The following ANKRD26 variants were observed in gnomAD, a reference collection of about 807,000 sequenced individuals.
The protein encoded by ANKRD26 is ankyrin repeat domain 26, also known as ankyrin repeat domain-containing protein 26.
A neutral mutation model predicts 208.7 loss-of-function variants in ANKRD26; 141 were observed. The observed-to-expected ratio is 0.68, with a 90% CI of 0.59 to 0.78. ANKRD26 has a LOEUF of 0.78. Among genes scored for constraint, ANKRD26 ranks in the 30% least tolerant of loss-of-function variants. ANKRD26 has a pLI of 0.00. For missense variants in ANKRD26, 1,889 were observed against 1,938.7 expected (o/e 0.97, Z 0.48); for synonymous variants, 636 against 660.4 (o/e 0.96, Z 0.57).
At chr10:27,037,395 T>A in intron 22 of ANKRD26, 72 bp from the exon 23 acceptor site, 1 of 1,519,760 alleles carries the variant, frequency 6.6e-7, no homozygotes, top group Non-Finnish European at 9.0e-7. Context: ...AGCAGAATTT[T>A]AAAACAAAAA....
intron 19 of ANKRD26, among the ~76,000 whole-genome samples, 164 bp downstream of exon 19, chr10:27,043,993 C>T (rs1199875302): frequency 6.6e-6 from 1 of 151,990 alleles, no homozygotes; most frequent in Non-Finnish European, 1.5e-5. Context: ...GGGCTCCCAC[C>T]ATGTTGCCTA....
intron 15 of ANKRD26, among the ~76,000 whole-genome samples, chr10:27,059,449 TATAC>T (rs1480728853): frequency 1.3e-5 from 2 of 152,182 alleles, no homozygotes; most frequent in Non-Finnish European, 2.9e-5. Flanking sequence ...TTTATAGACG[TATAC>T]ATACACAGGA....
the ANKRD26 span, among the ~76,000 whole-genome samples, chr10:26,953,493 C>T: frequency 6.6e-6 from 1 of 152,124 alleles, no homozygotes; most frequent in Non-Finnish European, 1.5e-5. Flanking sequence ...CTGTGTGAAA[C>T]ATCTCATCCT....
intron 31 of ANKRD26, among the ~76,000 whole-genome samples, chr10:27,014,233 A>G (rs1484982243): frequency 2.0e-5 from 3 of 152,122 alleles, no homozygotes; most frequent in Non-Finnish European, 4.4e-5. Context: ...TTAAAAGCAC[A>G]TAGCTGAAAG....
At chr10:26,974,341 ATTTT>A (rs5783993) in exon 6 of ANKRD26, among the ~76,000 whole-genome samples, 3 of 129,312 alleles carry the variant, frequency 2.3e-5, no homozygotes, top group African/African-American at 2.9e-5. Context: ...TTACTTCTGC[ATTTT>A]TTTTTTTTTT....
chr10:27,003,422 A>G (rs2052769967), downstream of ANKRD26, among the ~76,000 whole-genome samples: 1 of 152,200 alleles, frequency 6.6e-6, no homozygotes, highest in Non-Finnish European at 1.5e-5. Flanking sequence ...AACCATCATA[A>G]TAATAATTGA....
chr10:26,984,656 C>G (rs1024249864), intron 3 of ANKRD26, among the ~76,000 whole-genome samples: 3 of 152,146 alleles, frequency 2.0e-5, no homozygotes, highest in South Asian at 2.1e-4. Flanking sequence ...TAGTCCCTTA[C>G]AATATATTGC....
chr10:27,020,746 C>T (rs527677874), intron 29 of ANKRD26, among the ~76,000 whole-genome samples: 22 of 152,300 alleles, frequency 1.4e-4, no homozygotes, highest in Admixed American at 7.8e-4. Context: ...GCAACCTCCG[C>T]CTCCAGGGTT....
rs1406323914 is a variant in ANKRD26, at chr10:27,034,928, A to G, written c.3522T>C (p.Ile1174=). The G allele has an allele frequency of 1.2e-6, 2 of 1,614,020 alleles. No homozygotes were observed. The highest frequency in any genetic ancestry group is 2.2e-5 in the East Asian group (1 of 44,868). Residue 1174 remains isoleucine, a synonymous_variant, in exon 24 of 34, where the codon ATT becomes ATC. Coordinates refer to ENST00000376087, the MANE Select transcript of ANKRD26 (RefSeq NM_014915.3). ...VINIQDQFHA[I]VQKLQAESEK... ...CACTCTCAGCTTGAAGTTTTTGCAC[A>G]ATAGCATGAAACTGGTCTTGGATAT...
At chr10:27,059,853 C>T (rs1371767618) in intron 15 of ANKRD26, among the ~76,000 whole-genome samples, 4 of 150,180 alleles carry the variant, frequency 2.7e-5, no homozygotes, top group Non-Finnish European at 1.5e-5. Flanking sequence ...CGAGATCATG[C>T]CACTGCACTC....
At chr10:26,964,328 T>C in the ANKRD26 span, among the ~76,000 whole-genome samples, 74 of 152,290 alleles carry the variant, frequency 4.9e-4, no homozygotes, top group Non-Finnish European at 7.8e-4. Flanking sequence ...GATTTTTAAG[T>C]TGACTGACCT....
At chr10:27,059,677 A>T (rs1288572726) in intron 15 of ANKRD26, among the ~76,000 whole-genome samples, 2 of 148,526 alleles carry the variant, frequency 1.3e-5, no homozygotes, top group Non-Finnish European at 3.0e-5. Context: ...TTGGGAGGCT[A>T]AAGCGGGCGG....
chr10:27,084,114 G>A (rs1486443447), intron 5 of ANKRD26, among the ~76,000 whole-genome samples: 2 of 151,540 alleles, frequency 1.3e-5, no homozygotes, highest in African/African-American at 2.4e-5. Context: ...TCAGGAGGCT[G>A]AGGCAGGAGA....
At chr10:27,003,529 A>G (rs908844995), downstream of ANKRD26, among the ~76,000 whole-genome samples, 1 of 152,250 alleles carries the variant, frequency 6.6e-6, no homozygotes, top group Non-Finnish European at 1.5e-5. Context: ...TTTATACAAG[A>G]TATTTATGAA....
In ANKRD26 at chr10:27,017,688, T is replaced by C. The variant is rs2053344622; in HGVS notation, c.4320A>G (p.Val1440=). Residue 1440 remains valine (V), a synonymous_variant, in exon 30 of 34, where the codon GTA becomes GTG. Transcript: ENST00000376087. ...LQEELLSMKT[V]QKKCEKLQKN... The stretch of plus-strand genomic sequence containing the variant: ...TCTGTAGTTTTTCACATTTCTTTTG[T>C]ACTGTTTTCATAGATAACAACTCCT... The C allele has an allele frequency of 6.2e-7, 1 of 1,613,438 alleles. No homozygotes were observed. The highest frequency in any genetic ancestry group is 8.5e-7 in the Non-Finnish European group (1 of 1,179,816).
chr10:27,094,345 A>G (rs574264822), intron 1 of ANKRD26, among the ~76,000 whole-genome samples: 2 of 151,804 alleles, frequency 1.3e-5, no homozygotes, highest in Non-Finnish European at 2.9e-5. Flanking sequence ...AAACAGTACA[A>G]TATTTATTAG....
At chr10:27,037,821 G>C in intron 22 of ANKRD26, 50 bp downstream of exon 22, 1 of 1,380,418 alleles carries the variant, frequency 7.2e-7, no homozygotes, top group Non-Finnish European at 1.0e-6. Context: ...TGTGATAATA[G>C]TGATGAAATA....
rs761866364 is a variant in ANKRD26 at position 27,100,165 on chromosome 10, G to A, written c.162C>T (p.Ala54=). 6 of 1,614,008 alleles carry A rather than the reference G, an allele frequency of 3.7e-6. No homozygotes were observed. In the Admixed American group the frequency reaches 5.0e-5, roughly 13 times the overall value. The change falls in exon 1 of 34, where the codon GCC becomes GCT. Residue 54 remains alanine, a synonymous_variant. Transcript: ENST00000376087. ...GCACTTTCGCCACATTACCCGCGCT[G>A]GCAGCTTTGTGGATCTTGCCGAGAT... ...DRDLGKIHKA[A]SAGNVAKVQQ... is the part of the protein sequence containing the mutation.
intron 4 of ANKRD26, among the ~76,000 whole-genome samples, chr10:26,981,336 T>C (rs1184972729): frequency 6.6e-6 from 1 of 152,234 alleles, no homozygotes; most frequent in East Asian, 1.9e-4. Flanking sequence ...GAGGATTTTA[T>C]AGGATGGTCT....
Sources: allele counts gnomAD v4.1 joint callset (sites outside exome capture counted in the v4.1 genomes callset), GRCh38; gene constraint gnomAD v4.1.1; transcripts MANE v1.5; gene names NCBI Gene and HGNC (gene_info 2026-07-23, HGNC 2026-07-21).